The following SPON1 variants were observed in gnomAD, a reference collection of about 807,000 sequenced individuals.
SPON1 encodes spondin 1.
SPON1 carries 52 observed loss-of-function variants against 111.7 expected under a neutral mutation model. The ratio of observed to expected loss-of-function variants is 0.47; its 90% CI spans 0.37 to 0.59. SPON1 has a LOEUF of 0.59. Ranked by LOEUF, SPON1 falls within the 20% of genes least tolerant of loss-of-function variation. SPON1 has a pLI of 0.00. For missense variants in SPON1, 957 were observed against 1,068.5 expected (o/e 0.90, Z 1.46); for synonymous variants, 410 against 395.8 (o/e 1.04, Z -0.43).
chr11:14,262,596 C>T, intron 14 of SPON1, 116 bp from the exon 15 acceptor site: 1 of 1,338,848 alleles, frequency 7.5e-7, no homozygotes, highest in Non-Finnish European at 1.0e-6. Context: ...TGTAAAATAG[C>T]ATGACACAGC....
At chr11:14,064,427 A>C (rs1848816602) in intron 3 of SPON1, among the ~76,000 whole-genome samples, 1 of 152,198 alleles carries the variant, frequency 6.6e-6, no homozygotes, top group South Asian at 2.1e-4. Flanking sequence ...GGATCTGACG[A>C]GGCAGAGAGG....
intron 5 of SPON1, among the ~76,000 whole-genome samples, chr11:14,107,356 A>T (rs1346618106): frequency 6.6e-6 from 1 of 152,098 alleles, no homozygotes; most frequent in Non-Finnish European, 1.5e-5. Context: ...TTTCAGGTTT[A>T]TTGGGTCCCT....
chr11:14,030,724 C>T (rs1158162002), intron 2 of SPON1, among the ~76,000 whole-genome samples: 4 of 152,126 alleles, frequency 2.6e-5, no homozygotes, highest in Non-Finnish European at 5.9e-5. Context: ...AGCAAGGCTG[C>T]GGAGAAAAGG....
At chr11:14,037,744 A>C (rs1000332893) in intron 2 of SPON1, among the ~76,000 whole-genome samples, 18 of 152,348 alleles carry the variant, frequency 1.2e-4, no homozygotes, top group African/African-American at 3.8e-4. Flanking sequence ...GACTTCATTA[A>C]AATTTAAAAC....
chr11:14,199,030 A>G (rs558184648), intron 6 of SPON1, among the ~76,000 whole-genome samples: 6 of 152,174 alleles, frequency 3.9e-5, no homozygotes, highest in African/African-American at 1.4e-4. Flanking sequence ...CATAAGTAAT[A>G]GTGTTTCCTA....
intron 5 of SPON1, among the ~76,000 whole-genome samples, chr11:14,091,475 G>T (rs1049564419): frequency 6.6e-6 from 1 of 152,318 alleles, no homozygotes; most frequent in African/African-American, 2.4e-5. Context: ...CCTGCCCCGC[G>T]GGAAGGCAGC....
At chr11:14,116,359 A>G (rs1387826824) in intron 5 of SPON1, among the ~76,000 whole-genome samples, 1 of 152,090 alleles carries the variant, frequency 6.6e-6, no homozygotes, top group African/African-American at 2.4e-5. Context: ...CAAAAGCTTC[A>G]TAGTTTTTAT....
intron 6 of SPON1, among the ~76,000 whole-genome samples, chr11:14,191,947 A>G (rs1225531196): frequency 2.6e-5 from 4 of 152,162 alleles, no homozygotes; most frequent in South Asian, 4.1e-4. Context: ...TTTTACAGCC[A>G]TGTTTGTATA....
chr11:14,085,242 T>C (rs1352428096), intron 5 of SPON1, among the ~76,000 whole-genome samples: 5 of 152,232 alleles, frequency 3.3e-5, no homozygotes, highest in Admixed American at 6.5e-5. Flanking sequence ...TGAATGATAT[T>C]GCCTAGATTT....
chr11:14,116,932 C>A (rs1387443690), intron 5 of SPON1, among the ~76,000 whole-genome samples: 1 of 152,076 alleles, frequency 6.6e-6, no homozygotes, highest in Non-Finnish European at 1.5e-5. Flanking sequence ...TTCACTTTTT[C>A]ATGAGATTTA....
At chr11:14,038,091 G>A (rs192049050) in intron 2 of SPON1, among the ~76,000 whole-genome samples, 45 of 145,522 alleles carry the variant, frequency 3.1e-4, no homozygotes, top group African/African-American at 8.5e-4. Flanking sequence ...ACTTGAACCC[G>A]GGAGGTAGGG....
chr11:14,141,386 G>T (rs1300448870), intron 6 of SPON1, among the ~76,000 whole-genome samples: 1 of 152,206 alleles, frequency 6.6e-6, no homozygotes, highest in Non-Finnish European at 1.5e-5. Context: ...AGCAAGCCAT[G>T]AATGGTTCTT....
chr11:14,189,587 C>A (rs1554934372), intron 6 of SPON1, among the ~76,000 whole-genome samples: 1 of 152,204 alleles, frequency 6.6e-6, no homozygotes, highest in African/African-American at 2.4e-5. Context: ...TGGCCCCACC[C>A]CATATCCCTA....
intron 2 of SPON1, among the ~76,000 whole-genome samples, chr11:14,033,180 T>C (rs1039146954): frequency 6.6e-6 from 1 of 152,226 alleles, no homozygotes; most frequent in Admixed American, 6.5e-5. Flanking sequence ...TCCAAGTTCC[T>C]GTTCTAATTA....
At chr11:14,139,629 T>TG (rs1847629370) in intron 6 of SPON1, among the ~76,000 whole-genome samples, 1 of 151,954 alleles carries the variant, frequency 6.6e-6, no homozygotes, top group Non-Finnish European at 1.5e-5. Context: ...TGCTAGGCAT[T>TG]GGAGATGCAG....
At chr11:13,993,354 G>A (rs1554911416) in intron 2 of SPON1, among the ~76,000 whole-genome samples, 3 of 151,878 alleles carry the variant, frequency 2.0e-5, no homozygotes, top group African/African-American at 7.3e-5. Flanking sequence ...AAAACACAGA[G>A]CCTCTCTTTG....
At chr11:14,087,568 T>G (rs971977627) in intron 5 of SPON1, among the ~76,000 whole-genome samples, 1 of 152,224 alleles carries the variant, frequency 6.6e-6, no homozygotes, top group Admixed American at 6.5e-5. Flanking sequence ...CTTCCAATTA[T>G]GTGGTCAATT....
chr11:14,254,422 G>T, intron 7 of SPON1, 106 bp from the exon 8 acceptor site: 1 of 1,034,792 alleles, frequency 9.7e-7, no homozygotes, highest in Non-Finnish European at 1.4e-6. Flanking sequence ...CCACGAATGT[G>T]GATACTCTCT....
At position 14,160,483 on chromosome 11, in the gene SPON1, A is replaced by ATATATATATT. The variant is rs1554930869; in HGVS notation, c.825+24924_825+24925insTTATATATAT. On this transcript the variant is annotated intron_variant, in intron 6 of 15. Transcript: ENST00000576479. ...TATATATATATTTATATATATATTT[A>ATATATATATT]TATATATATATTTACATATATATAT... 6.0e-4 allele frequency among the ~76,000 whole-genome samples: 4 copies of ATATATATATT among 6,662 alleles called. 1 individual carries two copies. Among genetic ancestry groups the ATATATATATT allele is most frequent in the Non-Finnish European group, 5.1e-4 (2 of 3,892 alleles). The allele number at this position is 6,662 out of a possible 152,430, so 4.4% of individuals were successfully genotyped here.
Sources: allele counts gnomAD v4.1 joint callset (sites outside exome capture counted in the v4.1 genomes callset), GRCh38; gene constraint gnomAD v4.1.1; transcripts MANE v1.5; gene names NCBI Gene and HGNC (gene_info 2026-07-23, HGNC 2026-07-21).